The following DSG3 variants were observed in gnomAD, a reference collection of about 807,000 sequenced individuals.
The protein encoded by DSG3 is desmoglein 3, also known as desmoglein-3.
DSG3 carries 63 observed loss-of-function variants against 85.9 expected under a neutral mutation model. The ratio of observed to expected loss-of-function variants is 0.73; its 90% CI spans 0.60 to 0.90. The LOEUF (loss-of-function observed/expected upper bound fraction) is 0.90. DSG3 is among the 40% of genes least tolerant of loss of function. The pLI is 0.00. For synonymous variants in DSG3, 447 were observed against 441.9 expected (o/e 1.01, Z -0.14); for missense variants, 1,220 against 1,219.9 (o/e 1.00, Z 0.00).
chr18:31,475,877 C>T lies in DSG3; in HGVS notation c.2617C>T (p.Pro873Ser), dbSNP rs772990080. The T allele has an allele frequency of 1.2e-5, 19 of 1,614,036 alleles. No homozygotes were observed. The highest frequency in any genetic ancestry group is 1.6e-5 in the Non-Finnish European group (19 of 1,180,044). Reference protein sequence around the residue: ...VDGEGKEVQPPSKDSGYGIES... With the variant: ...VDGEGKEVQPSSKDSGYGIES... ...TGGTGAAGGCAAAGAAGTTCAGCCA[C>T]CCTCTAAAGACAGCGGTTATGGGAT... The change falls in exon 16 of 16, where the codon CCC becomes TCC. Residue 873 changes from proline to serine, a missense_variant. Physicochemically the swap from Pro to Ser is moderately conservative, Grantham distance 74. Coordinates refer to ENST00000257189, the MANE Select transcript of DSG3 (RefSeq NM_001944.3).
chr18:31,466,773 G>T lies in DSG3; in HGVS notation c.1636+19G>T, dbSNP rs1366473543. ...CTCAATGGTGAGTAACAGTAAAGTT[G>T]CTTCTATAAATGCAAACTGCTCCTT... On this transcript the variant is annotated intron_variant, in intron 11 of 15. Coordinates refer to ENST00000257189, the MANE Select transcript of DSG3 (RefSeq NM_001944.3). The T allele has an allele frequency of 2.5e-6, 4 of 1,603,850 alleles. No homozygotes were observed. In the South Asian group the frequency reaches 4.4e-5, roughly 18 times the overall value.
intron 8 of DSG3, among the ~76,000 whole-genome samples, chr18:31,462,620 C>A (rs534015439): frequency 7.2e-5 from 11 of 152,314 alleles, no homozygotes; most frequent in Non-Finnish European, 1.5e-5. Flanking sequence ...GTCTCCCAAA[C>A]TAGAAACGTG....
chr18:31,456,293 G>A (rs1358838745), intron 1 of DSG3, 147 bp from the exon 2 acceptor site: 1 of 498,288 alleles, frequency 2.0e-6, no homozygotes, highest in East Asian at 3.7e-5. Flanking sequence ...CTTACCCTTT[G>A]ATTATGGCTT....
intron 10 of DSG3, 46 bp downstream of exon 10, chr18:31,465,503 G>A (rs761432269): frequency 7.4e-7 from 1 of 1,357,758 alleles, no homozygotes; most frequent in Non-Finnish European, 9.6e-7. Context: ...TATCGTAATT[G>A]ATGTTTCTTT....
At chr18:31,468,632 G>A (rs1036917989) in intron 11 of DSG3, among the ~76,000 whole-genome samples, 1 of 152,196 alleles carries the variant, frequency 6.6e-6, no homozygotes, top group African/African-American at 2.4e-5. Context: ...CTCTGCTAAT[G>A]AAAATAAGTA....
rs1459742231 is a variant in DSG3, at chr18:31,461,290, T to A, written c.877T>A (p.Leu293Met). 2 of 1,613,600 alleles carry A rather than the reference T, an allele frequency of 1.2e-6. No individual in the cohort carries two copies. The highest frequency in any genetic ancestry group is 2.2e-5 in the South Asian group (2 of 91,042). ...SELLRFQVTDLDEEYTDNWLA... is the reference protein window; with the variant it reads ...SELLRFQVTDMDEEYTDNWLA... ...ATTACTTCGATTTCAAGTAACAGAT[T>A]TGGATGAAGAGTACACAGATAATTG... Residue 293 changes from leucine (L) to methionine (M), a missense_variant, in exon 8 of 16, where the codon TTG (leucine) becomes ATG (methionine). Leu to Met is a conservative substitution (Grantham distance 15). Transcript: ENST00000257189.
intron 8 of DSG3, among the ~76,000 whole-genome samples, chr18:31,462,244 A>G (rs1598780650): frequency 2.6e-5 from 4 of 152,006 alleles, no homozygotes; most frequent in East Asian, 1.9e-4. Flanking sequence ...GCTAATTTTT[A>G]TAGTTTTAGT....
At chr18:31,472,042 T>C (rs1385884277) in intron 12 of DSG3, among the ~76,000 whole-genome samples, 1 of 152,162 alleles carries the variant, frequency 6.6e-6, no homozygotes, top group Non-Finnish European at 1.5e-5. Flanking sequence ...TAAGAAAATA[T>C]ACCAAAAAAA....
chr18:31,460,744 T>A, intron 6 of DSG3, 89 bp from the exon 7 acceptor site: 3 of 1,209,490 alleles, frequency 2.5e-6, no homozygotes, highest in Non-Finnish European at 3.4e-6. Context: ...AATTGAATAT[T>A]TCTACCTCCT....
intron 1 of DSG3, among the ~76,000 whole-genome samples, chr18:31,455,517 G>C (rs1291680935): frequency 6.6e-5 from 10 of 152,134 alleles, no homozygotes; most frequent in African/African-American, 2.4e-4. Flanking sequence ...AACCATCATG[G>C]GCTAAATTTC....
intron 1 of DSG3, among the ~76,000 whole-genome samples, chr18:31,454,228 C>A (rs1206310831): frequency 6.6e-6 from 1 of 152,262 alleles, no homozygotes; most frequent in South Asian, 2.1e-4. Flanking sequence ...GGATGACTCT[C>A]CAGTTTTCCT....
chr18:31,461,044 G>A, intron 7 of DSG3, 83 bp downstream of exon 7: 2 of 1,397,526 alleles, frequency 1.4e-6, no homozygotes, highest in Non-Finnish European at 1.9e-6. Context: ...CTGTTTGTTG[G>A]CTTTTATTTA....
At chr18:31,466,449 A>G in intron 10 of DSG3, 81 bp from the exon 11 acceptor site, 1 of 1,280,562 alleles carries the variant, frequency 7.8e-7, no homozygotes, top group Non-Finnish European at 1.1e-6. Flanking sequence ...TGGCTACAGA[A>G]AAGAGAAATG....
rs902864140 is a variant in DSG3 at position 31,453,410 on chromosome 18, G to A, written c.49-3030G>A. Among the ~76,000 whole-genome samples the A allele has an allele frequency of 4.4e-5, 6 of 136,582 alleles. No homozygotes were observed. The East Asian group carries it at 6.0e-4, about 14-fold the overall frequency. The allele number at this position is 136,582 out of a possible 152,430, so 89.6% of individuals were successfully genotyped here. A position where few individuals can be genotyped will look rare whatever the true frequency, so the allele number is the denominator to read the frequency against. Reference sequence around the variant, plus strand: ...ATGAGGTAACCCCAAACAAGATCTCGGCCAAACTAAAGAGCAGGTGCTATT... The same window carrying A: ...ATGAGGTAACCCCAAACAAGATCTCAGCCAAACTAAAGAGCAGGTGCTATT... On this transcript the variant is annotated intron_variant, in intron 1 of 15. Coordinates refer to ENST00000257189, the MANE Select transcript of DSG3 (RefSeq NM_001944.3).
intron 1 of DSG3, among the ~76,000 whole-genome samples, chr18:31,449,360 G>A (rs2072697500): frequency 6.6e-6 from 1 of 152,168 alleles, no homozygotes; most frequent in African/African-American, 2.4e-5. Flanking sequence ...TAACCCCTAT[G>A]TCCAAGCCAA....
At chr18:31,461,179 A>G (rs2144272015) in intron 7 of DSG3, 48 bp from the exon 8 acceptor site, 2 of 1,486,694 alleles carry the variant, frequency 1.3e-6, no homozygotes, top group Non-Finnish European at 9.1e-7. Flanking sequence ...TAATCTCTCC[A>G]TGTAAAACCT....
intron 1 of DSG3, among the ~76,000 whole-genome samples, chr18:31,452,082 C>T (rs780047096): frequency 6.6e-6 from 1 of 152,158 alleles, no homozygotes; most frequent in Admixed American, 6.5e-5. Flanking sequence ...TAAACTACAG[C>T]GTGAGGAGTG....
chr18:31,453,518 G>A (rs3911656), intron 1 of DSG3, among the ~76,000 whole-genome samples: 41,119 of 152,016 alleles, frequency 0.27, 6,207 homozygotes, highest in African/African-American at 0.42. Flanking sequence ...AGGAACCTTA[G>A]TGATACAACC....
intron 3 of DSG3, among the ~76,000 whole-genome samples, chr18:31,457,573 CTTTCTTTCTTTCTTCTTTCTTTCTTTCT>C (rs200925840): frequency 0.095 from 10,598 of 111,516 alleles, 423 homozygotes; most frequent in South Asian, 0.14. Flanking sequence ...TTCTTTCTTT[CTTTCTTTCTTTCTTCTTTCTTTCTTTCT>C]TTCTTTCTTT....
Sources: gnomAD v4.1 joint callset for allele counts (sites outside exome capture counted in the v4.1 genomes callset) on GRCh38, gnomAD v4.1.1 for gene constraint, MANE v1.5 for transcripts, NCBI Gene and HGNC (gene_info 2026-07-23, HGNC 2026-07-21) for gene names.